The following CEP70 variants were observed in gnomAD, a reference collection of about 807,000 sequenced individuals.
CEP70 encodes the protein centrosomal protein of 70 kDa.
A neutral mutation model predicts 90.9 loss-of-function variants in CEP70; 70 were observed. The ratio of observed to expected loss-of-function variants is 0.77; its 90% CI spans 0.64 to 0.94. CEP70 has a LOEUF of 0.94. Among genes scored for constraint, CEP70 ranks in the 40% least tolerant of loss-of-function variants. CEP70 has a pLI of 0.00. For synonymous variants in CEP70, 220 were observed against 228.3 expected (o/e 0.96, Z 0.33); for missense variants, 648 against 669.0 (o/e 0.97, Z 0.35).
At chr3:138,545,750 C>T (rs987571936) in intron 6 of CEP70, among the ~76,000 whole-genome samples, 4 of 152,038 alleles carry the variant, frequency 2.6e-5, no homozygotes, top group Non-Finnish European at 4.4e-5. Flanking sequence ...TATAAACGGC[C>T]GCTCTGGGAG....
intron 11 of CEP70, among the ~76,000 whole-genome samples, chr3:138,518,141 G>A (rs904735602): frequency 6.6e-6 from 1 of 152,194 alleles, no homozygotes; most frequent in African/African-American, 2.4e-5. Context: ...TGGGAGGGGC[G>A]CCCGACATTG....
At chr3:138,519,900 G>C (rs930334450) in intron 11 of CEP70, among the ~76,000 whole-genome samples, 4 of 152,128 alleles carry the variant, frequency 2.6e-5, no homozygotes, top group Non-Finnish European at 4.4e-5. Context: ...ATTGGATAAA[G>C]AGTCAAGACC....
intron 13 of CEP70, among the ~76,000 whole-genome samples, chr3:138,504,938 G>A (rs752895077): frequency 3.7e-4 from 56 of 152,042 alleles, no homozygotes; most frequent in Non-Finnish European, 6.0e-4. Context: ...CAGGAAAATC[G>A]CAGCATGGAG....
At chr3:138,526,022 G>C (rs1039120426) in intron 10 of CEP70, among the ~76,000 whole-genome samples, 5 of 151,918 alleles carry the variant, frequency 3.3e-5, no homozygotes, top group African/African-American at 1.2e-4. Flanking sequence ...TTATTCCCAT[G>C]TATGTTTTTA....
chr3:138,530,415 C>T (rs1428422988), intron 8 of CEP70, among the ~76,000 whole-genome samples: 1 of 152,144 alleles, frequency 6.6e-6, no homozygotes, highest in Non-Finnish European at 1.5e-5. Context: ...AAACATATCA[C>T]CAGTCTAGTA....
intron 16 of CEP70, chr3:138,499,812 G>T: frequency 4.1e-6 from 1 of 244,752 alleles, no homozygotes; most frequent in Non-Finnish European, 7.5e-6. Context: ...ACACAAATTA[G>T]CTGGGCGTGG....
intron 11 of CEP70, among the ~76,000 whole-genome samples, chr3:138,525,016 A>C (rs2037064799): frequency 6.6e-6 from 1 of 152,190 alleles, no homozygotes; most frequent in African/African-American, 2.4e-5. Flanking sequence ...AACCAACCCA[A>C]ATGTCCAACA....
intron 7 of CEP70, 147 bp downstream of exon 7, chr3:138,537,031 G>T: frequency 2.3e-6 from 1 of 435,770 alleles, no homozygotes; most frequent in Non-Finnish European, 3.9e-6. Context: ...AACAGGATGA[G>T]CAGGGAAAAA....
chr3:138,522,957 T>C (rs1222822352), intron 11 of CEP70, among the ~76,000 whole-genome samples: 1 of 152,118 alleles, frequency 6.6e-6, no homozygotes, highest in Non-Finnish European at 1.5e-5. Flanking sequence ...CTGATGAACA[T>C]CGATGCAAAA....
chr3:138,574,222 C>G, intron 2 of CEP70, among the ~76,000 whole-genome samples: 1 of 152,198 alleles, frequency 6.6e-6, no homozygotes, highest in Non-Finnish European at 1.5e-5. Flanking sequence ...CCAGGAAAAT[C>G]CAGACACTGC....
chr3:138,525,025 C>G (rs1033264863), intron 11 of CEP70, among the ~76,000 whole-genome samples: 45 of 152,240 alleles, frequency 3.0e-4, no homozygotes, highest in Admixed American at 2.0e-3. Context: ...AAATGTCCAA[C>G]AATGATAGAC....
intron 13 of CEP70, among the ~76,000 whole-genome samples, chr3:138,502,096 G>T (rs542127634): frequency 2.6e-5 from 4 of 152,284 alleles, no homozygotes; most frequent in African/African-American, 9.6e-5. Flanking sequence ...TAGGGCCATA[G>T]TATGGAAAGT....
At chr3:138,587,620 C>CAAAAA (rs5852917) in intron 2 of CEP70, among the ~76,000 whole-genome samples, 2 of 137,430 alleles carry the variant, frequency 1.5e-5, no homozygotes, top group Non-Finnish European at 1.5e-5. Context: ...CCCATCTCTA[C>CAAAAA]AAAAAAAAGA....
In CEP70 at chr3:138,500,411, G is replaced by T. The variant is rs1403086268; in HGVS notation, c.1525C>A (p.Leu509Ile). Residue 509 changes from leucine (L) to isoleucine (I), a missense_variant, in exon 15 of 18, where the codon CTC (leucine) becomes ATC (isoleucine). Physicochemically the swap from Leu to Ile is conservative, Grantham distance 5. Coordinates refer to ENST00000264982, the MANE Select transcript of CEP70 (RefSeq NM_024491.4). ...ATTAGGTCATCACCTAATTCTAAGA[G>T]TTCTTGGAGGTTTCTCACAGCATTG... ...MNNAVRNLQE[L>I]LELDSSSSLC... 1 of 1,588,078 alleles carries T rather than the reference G, an allele frequency of 6.3e-7. No individual in the cohort carries two copies. The highest frequency in any genetic ancestry group is 1.2e-5 in the South Asian group (1 of 84,852).
At chr3:138,496,679 C>T in intron 17 of CEP70, 4 of 985,268 alleles carry the variant, frequency 4.1e-6, no homozygotes, top group Non-Finnish European at 4.8e-6. Context: ...CCACCCTGCA[C>T]CTACATGCTT....
chr3:138,572,919 CG>C lies in CEP70; in HGVS notation c.8del (p.Pro3ArgfsTer2), dbSNP rs1217345548. MF[P>X]VAPKPQDSSQ... is the part of the protein sequence containing the mutation. ...TGGAATCCTGGGGTTTAGGGGCTAC[CG>C]GAAACATAGTTACTTTTGTAGAATC... On this transcript the variant is annotated frameshift_variant, in exon 3 of 18. Coordinates refer to ENST00000264982, the MANE Select transcript of CEP70 (RefSeq NM_024491.4). LOFTEE classifies it high-confidence loss of function. The C allele has an allele frequency of 1.2e-6, 2 of 1,608,492 alleles. No individual in the cohort carries two copies. The highest frequency in any genetic ancestry group is 2.7e-5 in the African/African-American group (2 of 74,666).
intron 16 of CEP70, among the ~76,000 whole-genome samples, chr3:138,499,689 C>A (rs2034302137): frequency 6.6e-6 from 1 of 152,026 alleles, no homozygotes; most frequent in African/African-American, 2.4e-5. Flanking sequence ...GTAATCCCAG[C>A]ACTTTGGGAG....
intron 6 of CEP70, among the ~76,000 whole-genome samples, chr3:138,561,560 A>G (rs1222677455): frequency 6.6e-6 from 1 of 152,218 alleles, no homozygotes; most frequent in African/African-American, 2.4e-5. Context: ...TGACAGAAGT[A>G]GGCTTCAGAA....
chr3:138,500,734 C>T lies in CEP70; in HGVS notation c.1368+1G>A, dbSNP rs377207926. ...AAGGTGACCGTTCATGTAGGTATTA[C>T]CTTTTCCTTATTTTCAACTTCTTCC... On this transcript the variant is annotated splice_donor_variant, in intron 14 of 17. Coordinates refer to ENST00000264982, the MANE Select transcript of CEP70 (RefSeq NM_024491.4). LOFTEE classifies it high-confidence loss of function. 3.1e-6 allele frequency: 5 copies of T among 1,591,188 alleles called. No individual in the cohort carries two copies. The highest frequency in any genetic ancestry group is 4.3e-6 in the Non-Finnish European group (5 of 1,170,604).
Sources: allele counts gnomAD v4.1 joint callset (sites outside exome capture counted in the v4.1 genomes callset), GRCh38; gene constraint gnomAD v4.1.1; transcripts MANE v1.5; gene names NCBI Gene and HGNC (gene_info 2026-07-23, HGNC 2026-07-21).